Variants in GSE1 observed in about 807,000 individuals in gnomAD.
GSE1 encodes Gse1 coiled-coil protein, also known as genetic suppressor element 1.
GSE1 carries 32 observed loss-of-function variants against 112.6 expected under a neutral mutation model. The observed-to-expected ratio is 0.28, with a 90% CI of 0.21 to 0.38. The LOEUF (loss-of-function observed/expected upper bound fraction) is 0.38, where lower values mean the gene tolerates loss of function less well. Ranked by LOEUF, GSE1 falls within the 10% of genes least tolerant of loss-of-function variation. GSE1 has a pLI of 1.00. For synonymous variants in GSE1, 1,115 were observed against 735.6 expected, an observed-to-expected ratio of 1.52 and a Z score of -8.35; for missense variants, 2,348 against 1,699.2, an observed-to-expected ratio of 1.38 and a Z score of -6.71.
At chr16:85,515,997 C>A (rs1699310055) in intron 2 of GSE1, among the ~76,000 whole-genome samples, 5 of 152,122 alleles carry the variant, frequency 3.3e-5, no homozygotes, top group Admixed American at 3.3e-4. Flanking sequence ...GAGGAGATGG[C>A]AGGAGGAGGA....
At chr16:85,247,498 C>T (rs1039901406) in intron 1 of GSE1, among the ~76,000 whole-genome samples, 4 of 152,138 alleles carry the variant, frequency 2.6e-5, no homozygotes, top group Admixed American at 6.5e-5. Context: ...GGATGAGGGC[C>T]GGACCCGCAC....
intron 2 of GSE1, among the ~76,000 whole-genome samples, chr16:85,470,327 C>A (rs1376642974): frequency 6.6e-6 from 1 of 152,172 alleles, no homozygotes; most frequent in Non-Finnish European, 1.5e-5. Flanking sequence ...CCTCAGTGAT[C>A]CAGCCGCAGC....
exon 1 of GSE1, chr16:85,171,519 C>T (rs1391311683): frequency 5.1e-6 from 5 of 985,482 alleles, no homozygotes; most frequent in Non-Finnish European, 6.0e-6. Context: ...AGGCCCGCAG[C>T]TCCCACCACG....
At chr16:85,287,077 G>A (rs1182787093) in intron 1 of GSE1, among the ~76,000 whole-genome samples, 1 of 152,210 alleles carries the variant, frequency 6.6e-6, no homozygotes, top group African/African-American at 2.4e-5. Context: ...CTGTCTCCGG[G>A]GACGGGGACT....
Position 85,434,635 on chromosome 16 carries a change from T to A in GSE1, c.2464+76992T>A, listed in dbSNP as rs189614487. ...GAGTTCAAGACCAGCCTGGCCAACA[T>A]GGTAAAACCCCTTCTCTACTAAAAA... On this transcript the variant is annotated intron_variant, in intron 2 of 2. Transcript: ENST00000637419. Among the ~76,000 whole-genome samples, 867 of 152,206 alleles carry A rather than the reference T, an allele frequency of 5.7e-3. 3 individuals are homozygous for A. Among genetic ancestry groups the A allele is most frequent in the African/African-American group, 0.02 (823 of 41,522 alleles).
At chr16:85,453,205 T>A (rs2049733933) in intron 2 of GSE1, among the ~76,000 whole-genome samples, 1 of 151,948 alleles carries the variant, frequency 6.6e-6, no homozygotes, top group Non-Finnish European at 1.5e-5. Context: ...GCACGGCTGA[T>A]GGGGGTGTGA....
intron 1 of GSE1, among the ~76,000 whole-genome samples, chr16:85,244,624 A>C (rs1213852491): frequency 6.6e-6 from 1 of 152,148 alleles, no homozygotes; most frequent in African/African-American, 2.4e-5. Context: ...CTGAGGCAGG[A>C]GGATCGCTTG....
intron 1 of GSE1, among the ~76,000 whole-genome samples, chr16:85,269,211 A>G (rs1334448299): frequency 6.7e-6 from 1 of 149,388 alleles, no homozygotes; most frequent in African/African-American, 2.4e-5. Flanking sequence ...CCCCACCTCC[A>G]ATTTACTCCT....
At chr16:85,398,405 C>T (rs991068582) in intron 2 of GSE1, among the ~76,000 whole-genome samples, 1 of 152,090 alleles carries the variant, frequency 6.6e-6, no homozygotes, top group Non-Finnish European at 1.5e-5. Flanking sequence ...TGTGCCAGCT[C>T]CCAGTCAGCA....
At chr16:85,250,148 C>T (rs953912487) in intron 1 of GSE1, among the ~76,000 whole-genome samples, 1 of 152,224 alleles carries the variant, frequency 6.6e-6, no homozygotes, top group Non-Finnish European at 1.5e-5. Flanking sequence ...TGAGGCCAGG[C>T]CGAGCCCTTG....
At chr16:85,314,242 G>A (rs1474124792) in intron 1 of GSE1, among the ~76,000 whole-genome samples, 1 of 152,152 alleles carries the variant, frequency 6.6e-6, no homozygotes, top group Non-Finnish European at 1.5e-5. Flanking sequence ...GCCGGCTAGT[G>A]CCACAAAAAC....
Position 85,674,762 on chromosome 16 carries a change from A to T in GSE1, c.*2223A>T, listed in dbSNP as rs962741564. The T allele has an allele frequency of 2.6e-5, 4 of 152,364 alleles. No homozygotes were observed. The South Asian group carries it at 8.3e-4, about 32-fold the overall frequency. The allele number at this position is 152,364 out of a possible 1,614,324, so 9.4% of individuals were successfully genotyped here. ...CAGGGGACAGGTGGCACACCATGAG[A>T]GGTCTGCCCAGGGTGGGAGCAGTGT... On this transcript the variant is annotated 3_prime_UTR_variant, in exon 16 of 16. Coordinates refer to ENST00000253458, the MANE Select transcript of GSE1 (RefSeq NM_014615.5).
chr16:85,472,660 C>G (rs375530740), intron 2 of GSE1, among the ~76,000 whole-genome samples: 1 of 152,258 alleles, frequency 6.6e-6, no homozygotes, highest in Non-Finnish European at 1.5e-5. Context: ...TGGCCTCCCC[C>G]TGTTGGAGCC....
At chr16:85,537,384 G>C (rs140995688) in intron 2 of GSE1, among the ~76,000 whole-genome samples, 1 of 152,212 alleles carries the variant, frequency 6.6e-6, no homozygotes, top group Non-Finnish European at 1.5e-5. Context: ...CTGGGAGCTC[G>C]GTGACTCCTG....
At chr16:85,310,684 G>A (rs1049815744) in intron 1 of GSE1, among the ~76,000 whole-genome samples, 4 of 152,052 alleles carry the variant, frequency 2.6e-5, no homozygotes, top group Admixed American at 6.5e-5. Context: ...AGGAGGGCCC[G>A]CTGGGGCCCA....
intron 1 of GSE1, among the ~76,000 whole-genome samples, chr16:85,215,068 C>T (rs576716767): frequency 6.6e-6 from 1 of 152,136 alleles, no homozygotes; most frequent in Admixed American, 6.5e-5. Context: ...AGTAGGCCAC[C>T]GTTAACACTG....
chr16:85,201,420 C>T lies in GSE1; in HGVS notation c.2283+29613C>T, dbSNP rs181927107. ...CTCCTGTAATCCCAGCACTTTGGGA[C>T]GCCGAGGGCGGTGGATTGCTTGAGG... On this transcript the variant is annotated intron_variant, in intron 1 of 2. Coordinates refer to the GSE1 transcript ENST00000637419. 4.6e-4 allele frequency among the ~76,000 whole-genome samples: 70 copies of T among 151,058 alleles called. 1 individual carries two copies. Among genetic ancestry groups the T allele is most frequent in the African/African-American group, 1.2e-3 (49 of 41,110 alleles).
At chr16:85,637,759 C>A (rs543955400) in intron 2 of GSE1, among the ~76,000 whole-genome samples, 91 of 151,100 alleles carry the variant, frequency 6.0e-4, no homozygotes, top group African/African-American at 2.2e-3. Context: ...GAAAGGGAGA[C>A]CGGGCCTCTG....
At chr16:85,653,609 C>T (rs1234553566) in intron 3 of GSE1, among the ~76,000 whole-genome samples, 1 of 151,942 alleles carries the variant, frequency 6.6e-6, no homozygotes, top group Non-Finnish European at 1.5e-5. Flanking sequence ...TGTTGCCTTC[C>T]CTGCCCCACC....
Sources: gnomAD v4.1 joint callset for allele counts (sites outside exome capture counted in the v4.1 genomes callset) on GRCh38, gnomAD v4.1.1 for gene constraint, MANE v1.5 for transcripts, NCBI Gene and HGNC (gene_info 2026-07-23, HGNC 2026-07-21) for gene names.